The following AFF3 variants were observed in gnomAD, a reference collection of about 807,000 sequenced individuals.
AFF3 encodes the protein ALF transcription elongation factor 3, also known as AF4/FMR2 family member 3.
In AFF3, 32 loss-of-function variants were observed where a neutral mutation model predicts 129.7. That is an observed-to-expected ratio of 0.25 (90% CI 0.19 to 0.33). The LOEUF (loss-of-function observed/expected upper bound fraction) is 0.33, where lower values mean the gene tolerates loss of function less well. AFF3 is among the 10% of genes least tolerant of loss of function. The pLI is 1.00. For missense variants in AFF3, 1,373 were observed against 1,592.0 expected, an observed-to-expected ratio of 0.86 and a Z score of 2.34; for synonymous variants, 644 against 635.4, an observed-to-expected ratio of 1.01 and a Z score of -0.20.
Position 99,884,573 on chromosome 2 carries a change from A to AT in AFF3, c.874-47050dup, listed in dbSNP as rs10716607. On this transcript the variant is annotated intron_variant, in intron 7 of 24. Coordinates refer to ENST00000672756, the MANE Select transcript of AFF3 (RefSeq NM_001386135.1). ...AACACCACACCTGGCTAATTTTTGT[A>AT]TTTTTTTTTTGGTAGAGATGGGGTT... 3.5e-3 allele frequency among the ~76,000 whole-genome samples: 526 copies of AT among 151,058 alleles called. 4 individuals carry two copies. Among genetic ancestry groups the AT allele is most frequent in the African/African-American group, 0.012 (499 of 41,106 alleles).
intron 7 of AFF3, among the ~76,000 whole-genome samples, chr2:99,892,160 C>T (rs1693617655): frequency 6.6e-6 from 1 of 152,098 alleles, no homozygotes; most frequent in African/African-American, 2.4e-5. Flanking sequence ...ACAAATGTTT[C>T]AGACCTTTAG....
intron 4 of AFF3, among the ~76,000 whole-genome samples, chr2:100,075,345 T>G (rs1219725308): frequency 1.3e-5 from 2 of 152,132 alleles, no homozygotes; most frequent in Admixed American, 1.3e-4. Flanking sequence ...CAGCTCGTGT[T>G]TGGGGCAATC....
chr2:99,830,289 A>T (rs1016901558), intron 8 of AFF3, among the ~76,000 whole-genome samples: 5 of 152,168 alleles, frequency 3.3e-5, no homozygotes, highest in African/African-American at 1.2e-4. Context: ...AAAGTAAAAA[A>T]AAAATAAAAA....
intron 7 of AFF3, among the ~76,000 whole-genome samples, chr2:99,927,552 AAAC>A (rs1355279007): frequency 6.6e-6 from 1 of 152,062 alleles, no homozygotes; most frequent in Non-Finnish European, 1.5e-5. Flanking sequence ...ACATAGAAGG[AAAC>A]AACACACACT....
intron 7 of AFF3, among the ~76,000 whole-genome samples, chr2:99,887,764 ACT>A (rs1329938167): frequency 2.0e-5 from 3 of 152,158 alleles, no homozygotes; most frequent in African/African-American, 7.2e-5. Context: ...ATCGTGCTCA[ACT>A]CTTTCCATAC....
At chr2:99,691,333 T>C (rs1304886919) in intron 11 of AFF3, among the ~76,000 whole-genome samples, 1 of 152,216 alleles carries the variant, frequency 6.6e-6, no homozygotes, top group African/African-American at 2.4e-5. Flanking sequence ...CTGCTAAAAA[T>C]GCATGTTGCT....
At chr2:99,773,364 G>C (rs1683640890) in intron 8 of AFF3, among the ~76,000 whole-genome samples, 1 of 152,196 alleles carries the variant, frequency 6.6e-6, no homozygotes, top group Non-Finnish European at 1.5e-5. Context: ...CAATGAGACT[G>C]ATTCTTAAAC....
At chr2:99,806,184 C>T (rs535863164) in intron 8 of AFF3, among the ~76,000 whole-genome samples, 2 of 152,290 alleles carry the variant, frequency 1.3e-5, no homozygotes, top group South Asian at 4.1e-4. Flanking sequence ...TAGGGTAGTC[C>T]AATTTCAGCA....
At chr2:99,793,305 G>A (rs1006036928) in intron 8 of AFF3, among the ~76,000 whole-genome samples, 9 of 152,196 alleles carry the variant, frequency 5.9e-5, no homozygotes, top group Non-Finnish European at 8.8e-5. Context: ...AGAAGCGAAT[G>A]CTAGCACTGT....
intron 4 of AFF3, among the ~76,000 whole-genome samples, chr2:100,049,612 A>T (rs528726473): frequency 4.5e-4 from 68 of 152,364 alleles, no homozygotes; most frequent in South Asian, 8.3e-4. Flanking sequence ...GATTAACTGT[A>T]GTGACCTCAA....
intron 7 of AFF3, among the ~76,000 whole-genome samples, chr2:99,998,055 T>C (rs962544205): frequency 6.6e-6 from 1 of 151,966 alleles, no homozygotes; most frequent in Non-Finnish European, 1.5e-5. Flanking sequence ...CTAACAGGAA[T>C]TTAGGTAGGC....
At chr2:100,054,577 A>T (rs1190992571) in intron 4 of AFF3, among the ~76,000 whole-genome samples, 1 of 152,180 alleles carries the variant, frequency 6.6e-6, no homozygotes, top group Non-Finnish European at 1.5e-5. Context: ...ACTGGAACTC[A>T]CACCACTGGC....
chr2:99,837,612 A>G, intron 7 of AFF3, 88 bp from the exon 8 acceptor site: 1 of 1,068,316 alleles, frequency 9.4e-7, no homozygotes, highest in Non-Finnish European at 1.4e-6. Context: ...AGTCCCCCCC[A>G]ACAAAAAAAT....
intron 4 of AFF3, among the ~76,000 whole-genome samples, chr2:100,032,188 TG>T (rs1453794036): frequency 6.6e-6 from 1 of 151,978 alleles, no homozygotes; most frequent in African/African-American, 2.4e-5. Context: ...GCACTTTGGG[TG>T]GGACAAGGCA....
chr2:99,844,434 C>CTTTTTTTTTTTTTT (rs984233053), intron 7 of AFF3, among the ~76,000 whole-genome samples: 26 of 92,456 alleles, frequency 2.8e-4, no homozygotes, highest in Middle Eastern at 0.012. Context: ...TTTTTCTTTT[C>CTTTTTTTTTTTTTT]TTTTTTTTTT....
intron 12 of AFF3, among the ~76,000 whole-genome samples, chr2:99,669,724 C>T (rs1224724505): frequency 2.6e-5 from 4 of 152,128 alleles, no homozygotes; most frequent in Non-Finnish European, 5.9e-5. Context: ...AATCCCAGCA[C>T]TTTGGGAGGC....
At chr2:99,634,934 C>T (rs972921696) in intron 13 of AFF3, among the ~76,000 whole-genome samples, 2 of 147,232 alleles carry the variant, frequency 1.4e-5, no homozygotes, top group Non-Finnish European at 3.0e-5. Context: ...GTGCTGTGAG[C>T]ACGACTTGAG....
At chr2:100,057,190 G>A (rs1194099256) in intron 4 of AFF3, among the ~76,000 whole-genome samples, 10 of 151,782 alleles carry the variant, frequency 6.6e-5, no homozygotes, top group Non-Finnish European at 1.2e-4. Context: ...GCATGGTGGC[G>A]GGCGCCTGTA....
chr2:99,927,388 T>C (rs761298935), intron 7 of AFF3, among the ~76,000 whole-genome samples: 1 of 152,194 alleles, frequency 6.6e-6, no homozygotes, highest in Non-Finnish European at 1.5e-5. Context: ...CATGGGATAC[T>C]ATGCAGCTAC....
Sources: allele counts gnomAD v4.1 joint callset (sites outside exome capture counted in the v4.1 genomes callset), GRCh38; gene constraint gnomAD v4.1.1; transcripts MANE v1.5; gene names NCBI Gene and HGNC (gene_info 2026-07-23, HGNC 2026-07-21).